Variants in RAD51B observed in about 807,000 individuals in gnomAD.
RAD51B encodes RAD51 paralog B, also known as DNA repair protein RAD51 homolog 2.
In RAD51B, 38 loss-of-function variants were observed where a neutral mutation model predicts 42.2. That is an observed-to-expected ratio of 0.90 (90% CI 0.70 to 1.18). RAD51B has a LOEUF of 1.18. Among genes scored for constraint, RAD51B ranks in the 50% most tolerant of loss-of-function variants. The pLI is 0.00. For missense variants in RAD51B, 373 were observed against 400.7 expected, an observed-to-expected ratio of 0.93 and a Z score of 0.59; for synonymous variants, 154 against 145.2, an observed-to-expected ratio of 1.06 and a Z score of -0.43.
chr14:68,610,781 C>G (rs1441389994), intron 10 of RAD51B, among the ~76,000 whole-genome samples: 1 of 151,984 alleles, frequency 6.6e-6, no homozygotes, highest in East Asian at 1.9e-4. Flanking sequence ...ACCAATTTCT[C>G]TCCTGCCTCA....
intron 8 of RAD51B, among the ~76,000 whole-genome samples, chr14:68,382,598 C>T (rs2083502497): frequency 6.6e-6 from 1 of 152,200 alleles, no homozygotes; most frequent in Admixed American, 6.5e-5. Flanking sequence ...CCCACAAAGA[C>T]TTAGAACTTA....
intron 8 of RAD51B, among the ~76,000 whole-genome samples, chr14:68,390,408 A>G (rs993227459): frequency 6.6e-6 from 1 of 152,236 alleles, no homozygotes; most frequent in African/African-American, 2.4e-5. Context: ...TTAGGATTGT[A>G]TCTATTGGCA....
In RAD51B at chr14:68,096,108, C is replaced by T. The variant is rs185115082; in HGVS notation, c.757-195776C>T. 3.3e-3 allele frequency among the ~76,000 whole-genome samples: 508 copies of T among 151,898 alleles called. 2 individuals are homozygous for T. Among genetic ancestry groups the T allele is most frequent in the Non-Finnish European group, 4.7e-3 (319 of 67,964 alleles). On this transcript the variant is annotated intron_variant, in intron 7 of 10. Transcript: ENST00000471583. ...TAAAGCCCATCTTTTTCATACTTGA[C>T]TATCCTATATTTTTCATGGATATTC... is the stretch of plus-strand genomic sequence containing the variant.
At chr14:68,501,355 CT>C (rs1884904188) in intron 10 of RAD51B, among the ~76,000 whole-genome samples, 2 of 152,360 alleles carry the variant, frequency 1.3e-5, no homozygotes, top group African/African-American at 4.8e-5. Context: ...CTGACCGCTC[CT>C]GTTGCCCTTG....
intron 10 of RAD51B, among the ~76,000 whole-genome samples, chr14:68,498,235 G>T (rs1190873360): frequency 6.6e-6 from 1 of 152,222 alleles, no homozygotes; most frequent in Non-Finnish European, 1.5e-5. Flanking sequence ...GTCTCCACGT[G>T]AAGACACAAA....
intron 8 of RAD51B, chr14:68,386,989 A>G (rs1299233089): frequency 6.6e-6 from 1 of 152,212 alleles, no homozygotes; most frequent in Non-Finnish European, 1.5e-5. Flanking sequence ...GAACAACAAT[A>G]CTGAAATACC....
chr14:67,939,366 T>C (rs1356407997), intron 7 of RAD51B, among the ~76,000 whole-genome samples: 2 of 152,190 alleles, frequency 1.3e-5, no homozygotes, highest in African/African-American at 4.8e-5. Context: ...CATGCTTTTG[T>C]ATAGATCCTT....
At chr14:68,232,067 A>G (rs141230279) in intron 7 of RAD51B, among the ~76,000 whole-genome samples, 4 of 151,256 alleles carry the variant, frequency 2.6e-5, no homozygotes, top group South Asian at 4.2e-4. Context: ...ATGGAAGTAG[A>G]GTCATCACTC....
intron 7 of RAD51B, among the ~76,000 whole-genome samples, chr14:67,923,159 CGG>C (rs2044383327): frequency 6.6e-6 from 1 of 152,122 alleles, no homozygotes; most frequent in South Asian, 2.1e-4. Context: ...CTTAGAGTAA[CGG>C]TCTCCAGTTC....
At chr14:67,923,298 C>CTTTTTCT (rs1320383114) in intron 7 of RAD51B, among the ~76,000 whole-genome samples, 129 of 123,668 alleles carry the variant, frequency 1.0e-3, no homozygotes, top group Non-Finnish European at 2.0e-3. Context: ...TTTTCTTTTT[C>CTTTTTCT]TTTTTTTTTT....
At chr14:67,900,301 A>G (rs904612298) in intron 7 of RAD51B, among the ~76,000 whole-genome samples, 2 of 152,188 alleles carry the variant, frequency 1.3e-5, no homozygotes, top group African/African-American at 4.8e-5. Context: ...AGAATTGGCA[A>G]ACTTGTAGCT....
At chr14:68,566,513 G>A (rs7153476) in intron 10 of RAD51B, among the ~76,000 whole-genome samples, 24 of 151,940 alleles carry the variant, frequency 1.6e-4, no homozygotes, top group Non-Finnish European at 8.8e-5. Context: ...TCATTCAAAT[G>A]GTGACCTTGA....
chr14:67,945,302 A>T lies in RAD51B; in HGVS notation c.756+58098A>T, dbSNP rs561627981. 3.3e-5 allele frequency among the ~76,000 whole-genome samples: 5 copies of T among 152,320 alleles called. No homozygotes were observed. In the South Asian group the frequency reaches 1.0e-3, roughly 32 times the overall value. On this transcript the variant is annotated intron_variant, in intron 7 of 10. Transcript: ENST00000471583. ...CTAGTGCCATTTGGTGAGATCTTTT[A>T]GAGTACAGCCAGCTTAGTGATACCC... is the stretch of plus-strand genomic sequence containing the variant.
At chr14:68,628,681 G>A (rs1002933314) in intron 10 of RAD51B, among the ~76,000 whole-genome samples, 1 of 152,188 alleles carries the variant, frequency 6.6e-6, no homozygotes, top group African/African-American at 2.4e-5. Context: ...CCTGGGCTGA[G>A]TCGCGGGCGT....
chr14:68,019,468 A>G (rs2075828449), intron 7 of RAD51B, among the ~76,000 whole-genome samples: 1 of 152,200 alleles, frequency 6.6e-6, no homozygotes, highest in Admixed American at 6.5e-5. Context: ...TTTAGGAGGT[A>G]CAGTTGATTC....
intron 7 of RAD51B, among the ~76,000 whole-genome samples, chr14:68,020,844 A>G (rs1354190353): frequency 6.6e-6 from 1 of 152,230 alleles, no homozygotes; most frequent in East Asian, 1.9e-4. Context: ...TGCTTTTTAG[A>G]GGTAAGAGAA....
intron 10 of RAD51B, among the ~76,000 whole-genome samples, chr14:68,471,144 G>A (rs903203159): frequency 6.6e-6 from 1 of 152,124 alleles, no homozygotes; most frequent in African/African-American, 2.4e-5. Context: ...CTCTGGGTGG[G>A]ATGTGCAGCC....
At chr14:68,387,429 A>G (rs1222237121) in intron 8 of RAD51B, among the ~76,000 whole-genome samples, 1 of 152,270 alleles carries the variant, frequency 6.6e-6, no homozygotes, top group African/African-American at 2.4e-5. Flanking sequence ...AACCTTCAGA[A>G]TAAGATGATG....
chr14:68,368,615 G>A lies in RAD51B; in HGVS notation c.854-42809G>A, dbSNP rs540510619. Among the ~76,000 whole-genome samples the A allele has an allele frequency of 5.1e-4, 77 of 152,298 alleles. 1 individual carries two copies. Among genetic ancestry groups the A allele is most frequent in the African/African-American group, 1.8e-3 (75 of 41,566 alleles). On this transcript the variant is annotated intron_variant, in intron 8 of 10. Transcript: ENST00000471583. ...GCTGTAATGGAGTTGCTCAGCAGCC[G>A]CTCCCATATGCTCTATGATGGGGCA...
Sources: allele counts gnomAD v4.1 joint callset (sites outside exome capture counted in the v4.1 genomes callset), GRCh38; gene constraint gnomAD v4.1.1; transcripts MANE v1.5; gene names NCBI Gene and HGNC (gene_info 2026-07-23, HGNC 2026-07-21).